Variants in ESR1 observed in about 807,000 individuals in gnomAD.
The protein encoded by ESR1 is estrogen receptor.
Under a neutral mutation model 52.7 loss-of-function variants are expected in ESR1, and 12 were observed. The observed-to-expected ratio is 0.23, with a 90% CI of 0.15 to 0.37. ESR1 has a LOEUF of 0.37. Ranked by LOEUF, ESR1 falls within the 10% of genes least tolerant of loss-of-function variation. The pLI is 1.00. For synonymous variants in ESR1, 305 were observed against 316.8 expected (o/e 0.96, Z 0.39); for missense variants, 584 against 779.7 (o/e 0.75, Z 2.99).
intron 1 of ESR1, among the ~76,000 whole-genome samples, chr6:151,839,919 G>T (rs554900206): frequency 6.6e-6 from 1 of 152,206 alleles, no homozygotes; most frequent in African/African-American, 2.4e-5. Flanking sequence ...TTGAATTGAT[G>T]AACACTTAAG....
At chr6:151,911,991 A>G (rs960650133) in intron 3 of ESR1, among the ~76,000 whole-genome samples, 4 of 152,248 alleles carry the variant, frequency 2.6e-5, no homozygotes, top group African/African-American at 9.6e-5. Context: ...ATGAATTTAA[A>G]TTAAATAGTA....
At chr6:151,857,721 G>T (rs1383130490) in intron 2 of ESR1, among the ~76,000 whole-genome samples, 1 of 151,896 alleles carries the variant, frequency 6.6e-6, no homozygotes, top group Non-Finnish European at 1.5e-5. Flanking sequence ...TAGAGGCAGG[G>T]TTTCACCATG....
At position 151,844,502 on chromosome 6, in the gene ESR1, C is replaced by T. The variant is rs565049710; in HGVS notation, c.643+1715C>T. ...TTGGCAAAGTTTTTCTGTAAAGGGC[C>T]AGATAATAATATTTTAGGCTTTACA... On this transcript the variant is annotated intron_variant, in intron 2 of 7. Coordinates refer to ENST00000206249, the MANE Select transcript of ESR1 (RefSeq NM_000125.4). 2.6e-5 allele frequency among the ~76,000 whole-genome samples: 4 copies of T among 152,136 alleles called. No individual in the cohort carries two copies. In the South Asian group the frequency reaches 8.3e-4, roughly 32 times the overall value.
rs536840400 is a variant in ESR1 at position 151,899,795 on chromosome 6, G to A, written c.760+19024G>A. Among the ~76,000 whole-genome samples the A allele has an allele frequency of 5.2e-4, 78 of 150,394 alleles. No homozygotes were observed. In the East Asian group the frequency reaches 7.0e-3, roughly 14 times the overall value. On this transcript the variant is annotated intron_variant, in intron 3 of 7. Coordinates refer to ENST00000206249, the MANE Select transcript of ESR1 (RefSeq NM_000125.4). ...CAGAGGCGCTCCCCACATCTCAGAC[G>A]ATGGGCGGCAGGGCAGAGACGCTCC... is the stretch of plus-strand genomic sequence containing the variant.
At chr6:152,045,945 A>G (rs1172952498) in intron 5 of ESR1, among the ~76,000 whole-genome samples, 2 of 152,226 alleles carry the variant, frequency 1.3e-5, no homozygotes, top group African/African-American at 4.8e-5. Flanking sequence ...ATTTGCACTG[A>G]AAAAGTCACT....
At chr6:152,105,724 C>A (rs1386243337), downstream of ESR1, among the ~76,000 whole-genome samples, 1 of 151,326 alleles carries the variant, frequency 6.6e-6, no homozygotes, top group Non-Finnish European at 1.5e-5. Context: ...CTGGGCCCAG[C>A]CAATTTAATT....
intron 2 of ESR1, among the ~76,000 whole-genome samples, chr6:151,773,250 T>G (rs1785661578): frequency 6.6e-6 from 1 of 152,176 alleles, no homozygotes; most frequent in African/African-American, 2.4e-5. Context: ...CCCCAAAGAT[T>G]GCCAGCAAAC....
intron 5 of ESR1, among the ~76,000 whole-genome samples, chr6:152,056,946 G>A (rs2047154543): frequency 6.6e-6 from 1 of 152,096 alleles, no homozygotes; most frequent in Admixed American, 6.6e-5. Context: ...GTCTTTTACA[G>A]TCATGTTACT....
chr6:151,672,768 C>CA (rs11462638), intron 1 of ESR1, among the ~76,000 whole-genome samples: 80,944 of 151,490 alleles, frequency 0.53, 21,786 homozygotes, highest in African/African-American at 0.61. Context: ...CCACCATGCC[C>CA]GCCCTAAACC....
chr6:151,969,611 C>A (rs9371234), intron 4 of ESR1, among the ~76,000 whole-genome samples: 3,603 of 152,258 alleles, frequency 0.024, 157 homozygotes, highest in African/African-American at 0.076. Flanking sequence ...CAGGAGGCAA[C>A]CTTGGCAACA....
At chr6:151,972,122 A>G (rs1441809736) in intron 4 of ESR1, among the ~76,000 whole-genome samples, 1 of 152,172 alleles carries the variant, frequency 6.6e-6, no homozygotes, top group Admixed American at 6.5e-5. Context: ...GAAACTCTAA[A>G]CAGACCAATA....
In ESR1 at chr6:151,955,398, A is replaced by C. The variant is rs80090440; in HGVS notation, c.1096+10890A>C. ...AAATGGTAAATTTTATGTTATATAC[A>C]TTTTACCAAAATAAAGAAAAGTTAT... On this transcript the variant is annotated intron_variant, in intron 4 of 7. Transcript: ENST00000206249. Among the ~76,000 whole-genome samples, 125 of 152,340 alleles carry C rather than the reference A, an allele frequency of 8.2e-4. No homozygotes were observed. The East Asian group carries it at 0.021, about 26-fold the overall frequency.
intron 3 of ESR1, among the ~76,000 whole-genome samples, chr6:151,894,802 G>A (rs1213631467): frequency 6.6e-6 from 1 of 152,094 alleles, no homozygotes; most frequent in Non-Finnish European, 1.5e-5. Context: ...TTATAGTATA[G>A]TTTGAAATCA....
intron 5 of ESR1, among the ~76,000 whole-genome samples, chr6:152,040,130 G>A (rs2045662621): frequency 6.6e-6 from 1 of 152,178 alleles, no homozygotes; most frequent in Non-Finnish European, 1.5e-5. Flanking sequence ...ATCACCCCGA[G>A]GAATGGTGCC....
At chr6:151,851,673 G>A (rs565060373) in intron 2 of ESR1, among the ~76,000 whole-genome samples, 57 of 152,036 alleles carry the variant, frequency 3.7e-4, no homozygotes, top group African/African-American at 1.2e-3. Flanking sequence ...GATTACAGGC[G>A]TCCACCACCA....
At chr6:151,703,896 G>C (rs963165616) in intron 2 of ESR1, among the ~76,000 whole-genome samples, 1 of 152,178 alleles carries the variant, frequency 6.6e-6, no homozygotes, top group East Asian at 1.9e-4. Context: ...TTTTGAAAGA[G>C]ACCTGAGACA....
At chr6:152,015,865 A>G (rs956626711) in intron 5 of ESR1, among the ~76,000 whole-genome samples, 3 of 152,204 alleles carry the variant, frequency 2.0e-5, no homozygotes, top group Non-Finnish European at 2.9e-5. Flanking sequence ...GGGAAAAGCA[A>G]AGACTCTTAT....
intron 2 of ESR1, among the ~76,000 whole-genome samples, chr6:151,789,995 C>G (rs545513850): frequency 1.3e-5 from 2 of 152,182 alleles, no homozygotes; most frequent in Non-Finnish European, 2.9e-5. Flanking sequence ...AGCTGCCCCC[C>G]CTCACTCAGG....
intron 1 of ESR1, among the ~76,000 whole-genome samples, chr6:151,837,383 C>A (rs1783530602): frequency 6.6e-6 from 1 of 152,094 alleles, no homozygotes; most frequent in South Asian, 2.1e-4. Context: ...CAGGCATGAG[C>A]CACCACACCC....
Sources: allele counts gnomAD v4.1 joint callset (sites outside exome capture counted in the v4.1 genomes callset), GRCh38; gene constraint gnomAD v4.1.1; transcripts MANE v1.5; gene names NCBI Gene and HGNC (gene_info 2026-07-23, HGNC 2026-07-21).